USP25: variants seen among roughly 807,000 people sequenced by gnomAD.
USP25 encodes ubiquitin specific peptidase 25, also known as ubiquitin carboxyl-terminal hydrolase 25.
USP25 carries 85 observed loss-of-function variants against 158.5 expected under a neutral mutation model. The ratio of observed to expected loss-of-function variants is 0.54; its 90% confidence interval spans 0.45 to 0.64. USP25 has a LOEUF of 0.64. Among genes scored for constraint, USP25 ranks in the 30% least tolerant of loss-of-function variants. The pLI, the probability that USP25 is intolerant of heterozygous loss-of-function variation, is 0.00. For synonymous variants in USP25, 464 were observed against 460.4 expected (o/e 1.01, Z -0.10); for missense variants, 1,242 against 1,327.3 (o/e 0.94, Z 1.00).
chr21:15,857,582 A>G (rs2039216452), intron 20 of USP25, among the ~76,000 whole-genome samples: 1 of 152,010 alleles, frequency 6.6e-6, no homozygotes, highest in South Asian at 2.1e-4. Flanking sequence ...TTATACGTTT[A>G]TTACACTGAG....
At chr21:15,867,574 A>G (rs2039710515) in intron 22 of USP25, among the ~76,000 whole-genome samples, 1 of 152,164 alleles carries the variant, frequency 6.6e-6, no homozygotes, top group Admixed American at 6.5e-5. Flanking sequence ...ATACTGGAAA[A>G]GAAGAAACAA....
At chr21:15,734,733 TTATAA>T (rs1476096802) in intron 1 of USP25, among the ~76,000 whole-genome samples, 3 of 152,190 alleles carry the variant, frequency 2.0e-5, no homozygotes, top group Admixed American at 6.5e-5. Context: ...TATTGTTTCC[TTATAA>T]TATGGAAATT....
At chr21:15,846,845 T>C (rs2038642468) in intron 18 of USP25, among the ~76,000 whole-genome samples, 1 of 152,292 alleles carries the variant, frequency 6.6e-6, no homozygotes, top group South Asian at 2.1e-4. Context: ...CATATTAGTG[T>C]CATGAAGTTT....
chr21:15,854,718 C>A (rs949504308), intron 20 of USP25, among the ~76,000 whole-genome samples: 1 of 152,066 alleles, frequency 6.6e-6, no homozygotes, highest in Non-Finnish European at 1.5e-5. Context: ...AGTTTAACCT[C>A]CGAATTAGGA....
chr21:15,805,037 T>C lies in USP25; in HGVS notation c.643-84T>C. On this transcript the variant is annotated intron_variant, in intron 6 of 25. Coordinates refer to ENST00000400183, the MANE Select transcript of USP25 (RefSeq NM_001283041.3). Reference sequence around the variant, plus strand: ...TATATTGGCTAGTTTAATTTTTGGTTACTGTTAAAATGAATATTTATTAGT... The same window carrying C: ...TATATTGGCTAGTTTAATTTTTGGTCACTGTTAAAATGAATATTTATTAGT... The C allele has an allele frequency of 2.9e-6, 4 of 1,376,922 alleles. No individual in the cohort carries two copies. In the South Asian group the frequency reaches 6.4e-5, roughly 22 times the overall value. 85.3% of individuals were successfully genotyped at this position (1,376,922 alleles called of 1,614,324 possible).
chr21:15,745,574 C>G (rs1246552598), intron 1 of USP25, among the ~76,000 whole-genome samples: 1 of 147,594 alleles, frequency 6.8e-6, no homozygotes, highest in Non-Finnish European at 1.5e-5. Context: ...TCCCTGGGTT[C>G]AAGCGATTCT....
chr21:15,834,391 C>G (rs915808171), intron 17 of USP25, among the ~76,000 whole-genome samples: 2 of 152,022 alleles, frequency 1.3e-5, no homozygotes, highest in Non-Finnish European at 2.9e-5. Context: ...TTTCCTCAAA[C>G]TCATTTGTCT....
intron 6 of USP25, among the ~76,000 whole-genome samples, chr21:15,801,335 T>C (rs993791893): frequency 6.6e-6 from 1 of 151,566 alleles, no homozygotes; most frequent in African/African-American, 2.4e-5. Context: ...ACTAGAGAAA[T>C]GTGTAATTCC....
At chr21:15,750,646 G>A (rs1206058914) in intron 1 of USP25, among the ~76,000 whole-genome samples, 3 of 150,912 alleles carry the variant, frequency 2.0e-5, no homozygotes, top group Admixed American at 6.6e-5. Context: ...TCGCTCTGTC[G>A]CCTAGGCTGG....
At chr21:15,733,703 G>A (rs1318422249) in intron 1 of USP25, among the ~76,000 whole-genome samples, 2 of 152,136 alleles carry the variant, frequency 1.3e-5, no homozygotes, top group East Asian at 1.9e-4. Context: ...TTAGCCAGGC[G>A]TGGTGGCACA....
chr21:15,824,947 G>T lies in USP25; in HGVS notation c.1209-19G>T. 1 of 1,581,770 alleles carries T rather than the reference G, an allele frequency of 6.3e-7. No individual in the cohort carries two copies. The highest frequency in any genetic ancestry group is 1.1e-5 in the South Asian group (1 of 89,656). ...TTTCATGATATTCGGAAATGCTAATGATTACCTTTTTCTGATAGATACATG... is the reference window on the plus strand; with the variant it reads ...TTTCATGATATTCGGAAATGCTAATTATTACCTTTTTCTGATAGATACATG... On this transcript the variant is annotated intron_variant, in intron 11 of 25. Transcript: ENST00000400183.
intron 17 of USP25, among the ~76,000 whole-genome samples, chr21:15,834,146 A>G (rs2037944566): frequency 6.6e-6 from 1 of 152,244 alleles, no homozygotes; most frequent in African/African-American, 2.4e-5. Context: ...GCATAAACAT[A>G]TAAATATTTA....
intron 1 of USP25, among the ~76,000 whole-genome samples, chr21:15,762,380 T>G (rs543765524): frequency 7.9e-5 from 12 of 152,286 alleles, no homozygotes; most frequent in Non-Finnish European, 1.8e-4. Context: ...TATAAAGAAC[T>G]GAAGCAAATG....
intron 20 of USP25, among the ~76,000 whole-genome samples, chr21:15,858,901 CCTT>C (rs1024170310): frequency 5.3e-5 from 8 of 151,760 alleles, no homozygotes; most frequent in Admixed American, 2.6e-4. Flanking sequence ...ATAGATTTCT[CCTT>C]CTTAATACTT....
At chr21:15,814,003 A>G (rs1600999656) in intron 9 of USP25, among the ~76,000 whole-genome samples, 1 of 151,546 alleles carries the variant, frequency 6.6e-6, no homozygotes, top group East Asian at 2.0e-4. Flanking sequence ...TAATTGAATT[A>G]TGGGGGCTGG....
Position 15,762,916 on chromosome 21 carries a change from TGA to T in USP25, c.76_77del (p.Glu26AsnfsTer5). ...CACCAGCAGACGTTTTTGAATCAAC[TGA>T]GAGAAATTACGGGGATTAATGACAC... On this transcript the variant is annotated frameshift_variant, in exon 2 of 26. Transcript: ENST00000400183. LOFTEE classifies it high-confidence loss of function. 1.9e-6 allele frequency: 3 copies of T among 1,612,956 alleles called. No individual in the cohort carries two copies. The highest frequency in any genetic ancestry group is 2.5e-6 in the Non-Finnish European group (3 of 1,179,314).
chr21:15,791,476 T>G, intron 4 of USP25, 26 bp from the exon 5 acceptor site: 1 of 1,589,142 alleles, frequency 6.3e-7, no homozygotes, highest in Middle Eastern at 1.7e-4. Flanking sequence ...TATATAATGC[T>G]GCATTTTTTT....
chr21:15,783,793 TA>T (rs34055394), intron 4 of USP25, among the ~76,000 whole-genome samples: 20,854 of 122,132 alleles, frequency 0.17, 3,150 homozygotes, highest in African/African-American at 0.42. Context: ...CCGTCTGTAC[TA>T]AAAAAAAAAA....
chr21:15,771,518 C>T (rs896673097), intron 3 of USP25, among the ~76,000 whole-genome samples: 3 of 152,064 alleles, frequency 2.0e-5, no homozygotes, highest in South Asian at 2.1e-4. Flanking sequence ...TGCTGGCCCT[C>T]GAGATGAATA....
Sources: allele counts gnomAD v4.1 joint callset (sites outside exome capture counted in the v4.1 genomes callset), GRCh38; gene constraint gnomAD v4.1.1; transcripts MANE v1.5; gene names NCBI Gene and HGNC (gene_info 2026-07-23, HGNC 2026-07-21).